Variants in COL5A2 observed in about 807,000 individuals in gnomAD.
The protein encoded by COL5A2 is collagen alpha-2(V) chain.
COL5A2 carries 23 observed loss-of-function variants against 208.2 expected under a neutral mutation model. The observed-to-expected ratio is 0.11, with a 90% CI of 0.08 to 0.16. The LOEUF (loss-of-function observed/expected upper bound fraction) is 0.16. Ranked by LOEUF, COL5A2 falls within the 10% of genes least tolerant of loss-of-function variation. The pLI, the probability that COL5A2 is intolerant of heterozygous loss-of-function variation, is 1.00. For missense variants in COL5A2, 1,590 were observed against 1,956.4 expected (o/e 0.81, Z 3.53); for synonymous variants, 625 against 628.5 (o/e 0.99, Z 0.08).
intron 1 of COL5A2, among the ~76,000 whole-genome samples, chr2:189,196,910 C>T (rs1457596863): frequency 6.6e-6 from 1 of 151,888 alleles, no homozygotes; most frequent in Non-Finnish European, 1.5e-5. Flanking sequence ...GGATCTAGAA[C>T]CAGAAATACC....
intron 21 of COL5A2, 38 bp from the exon 22 acceptor site, chr2:189,066,820 A>G (rs771253019): frequency 1.9e-5 from 29 of 1,492,722 alleles, no homozygotes; most frequent in Non-Finnish European, 2.2e-5. Context: ...GAACCAGGAC[A>G]TTTAGCTAGT....
chr2:189,171,698 C>T (rs1688577594), intron 1 of COL5A2, among the ~76,000 whole-genome samples: 1 of 152,128 alleles, frequency 6.6e-6, no homozygotes, highest in Admixed American at 6.5e-5. Flanking sequence ...TCTAGGCTGC[C>T]TTTGGGACAG....
At chr2:189,265,965 T>C in the COL5A2 span, among the ~76,000 whole-genome samples, 1 of 152,208 alleles carries the variant, frequency 6.6e-6, no homozygotes, top group Non-Finnish European at 1.5e-5. Context: ...TATTCCACTC[T>C]TAAATAAATG....
At chr2:189,407,397 G>A in the COL5A2 span, among the ~76,000 whole-genome samples, 1 of 151,524 alleles carries the variant, frequency 6.6e-6, no homozygotes, top group East Asian at 2.0e-4. Context: ...TCACAGGCGA[G>A]GTTTTAAAAA....
At chr2:189,121,808 G>C (rs1231159062) in intron 1 of COL5A2, among the ~76,000 whole-genome samples, 1 of 144,818 alleles carries the variant, frequency 6.9e-6, no homozygotes, top group Non-Finnish European at 1.5e-5. Flanking sequence ...TGTAGATACA[G>C]AATTCTGGAT....
chr2:189,171,239 T>C (rs1004772407), intron 1 of COL5A2, among the ~76,000 whole-genome samples: 5 of 152,188 alleles, frequency 3.3e-5, no homozygotes, highest in African/African-American at 1.2e-4. Context: ...CAGGATCTTG[T>C]ATGTCACACT....
At chr2:189,041,410 C>T (rs1325585119) in intron 50 of COL5A2, among the ~76,000 whole-genome samples, 176 bp downstream of exon 50, 1 of 152,124 alleles carries the variant, frequency 6.6e-6, no homozygotes, top group East Asian at 1.9e-4. Flanking sequence ...TTTATGTGCT[C>T]TAACTTATCT....
chr2:189,064,973 G>T, intron 24 of COL5A2, 31 bp downstream of exon 24: 1 of 1,609,742 alleles, frequency 6.2e-7, no homozygotes, highest in Non-Finnish European at 8.5e-7. Context: ...CACCCCCCAC[G>T]TAAGTATCAA....
chr2:189,429,537 A>C, the COL5A2 span, among the ~76,000 whole-genome samples: 1 of 152,246 alleles, frequency 6.6e-6, no homozygotes, highest in Non-Finnish European at 1.5e-5. Flanking sequence ...CTCATCTGGC[A>C]GGTTCAGGGG....
At chr2:189,420,329 A>G in the COL5A2 span, among the ~76,000 whole-genome samples, 1 of 152,168 alleles carries the variant, frequency 6.6e-6, no homozygotes, top group Non-Finnish European at 1.5e-5. Context: ...AAGAATGAGG[A>G]AAAAAACCAG....
the COL5A2 span, among the ~76,000 whole-genome samples, chr2:189,252,007 A>T: frequency 6.6e-6 from 1 of 152,248 alleles, no homozygotes; most frequent in African/African-American, 2.4e-5. Context: ...AGACACATGA[A>T]AAAATGCTCA....
At chr2:189,209,727 C>T (rs1357498186) in intron 1 of COL5A2, among the ~76,000 whole-genome samples, 1 of 152,200 alleles carries the variant, frequency 6.6e-6, no homozygotes, top group Admixed American at 6.5e-5. Context: ...CTTACAGACT[C>T]TTAATTTTGG....
chr2:189,301,507 A>C, the COL5A2 span, among the ~76,000 whole-genome samples: 1 of 152,162 alleles, frequency 6.6e-6, no homozygotes, highest in Non-Finnish European at 1.5e-5. Context: ...TTTTTTCCTC[A>C]CAGTGCAGTG....
chr2:189,261,192 A>C, the COL5A2 span, among the ~76,000 whole-genome samples: 163 of 152,244 alleles, frequency 1.1e-3, no homozygotes, highest in African/African-American at 3.9e-3. Flanking sequence ...GTTCTTACTA[A>C]TTCTAACTAA....
chr2:189,056,938 C>A, intron 35 of COL5A2, 35 bp downstream of exon 35: 1 of 1,600,690 alleles, frequency 6.2e-7, no homozygotes, highest in Non-Finnish European at 8.6e-7. Context: ...AATGTTGGTT[C>A]CTAGCCCAGC....
In COL5A2 at chr2:189,035,030, G is replaced by A. The variant is rs529257786; in HGVS notation, c.4239C>T (p.Asp1413=). 1.0e-4 allele frequency: 164 copies of A among 1,613,738 alleles called. No homozygotes were observed. In the South Asian group the frequency reaches 1.5e-3, roughly 15 times the overall value. The part of the protein sequence containing the change: ...YICKNSVGYM[D]DQAKNLKKAV... ...CTTTTTTGAGGTTCTTAGCTTGATC[G>A]TCCATGTATCCTACACTGTTTTTAC... The change falls in exon 53 of 54, where the codon GAC becomes GAT. Residue 1413 remains aspartate (D), a synonymous_variant. Coordinates refer to ENST00000374866, the MANE Select transcript of COL5A2 (RefSeq NM_000393.5).
At chr2:189,118,782 G>A (rs529043652) in intron 1 of COL5A2, among the ~76,000 whole-genome samples, 4 of 152,160 alleles carry the variant, frequency 2.6e-5, no homozygotes, top group African/African-American at 7.2e-5. Context: ...ACTTGAATTA[G>A]TATTCAGTTT....
intron 1 of COL5A2, among the ~76,000 whole-genome samples, chr2:189,155,976 C>T (rs1007648250): frequency 6.6e-6 from 1 of 151,190 alleles, no homozygotes; most frequent in Non-Finnish European, 1.5e-5. Flanking sequence ...ATCTTCAAAT[C>T]TCTCTCTCTC....
intron 1 of COL5A2, among the ~76,000 whole-genome samples, chr2:189,116,326 C>T (rs1687389969): frequency 6.6e-6 from 1 of 152,086 alleles, no homozygotes; most frequent in Admixed American, 6.6e-5. Context: ...AGAGAACCTA[C>T]CAAGGAAATC....
Sources: allele counts gnomAD v4.1 joint callset (sites outside exome capture counted in the v4.1 genomes callset), GRCh38; gene constraint gnomAD v4.1.1; transcripts MANE v1.5; gene names NCBI Gene and HGNC (gene_info 2026-07-23, HGNC 2026-07-21).